DLGAP2: variants seen among roughly 807,000 people sequenced by gnomAD.
DLGAP2 encodes disks large-associated protein 2.
Under a neutral mutation model 100.3 loss-of-function variants are expected in DLGAP2, and 26 were observed. The observed-to-expected ratio is 0.26, with a 90% CI of 0.19 to 0.36. DLGAP2 has a LOEUF of 0.36. Ranked by LOEUF, DLGAP2 falls within the 10% of genes least tolerant of loss-of-function variation. The pLI is 1.00. For synonymous variants in DLGAP2, 886 were observed against 630.1 expected (o/e 1.41, Z -6.08); for missense variants, 1,858 against 1,453.2 (o/e 1.28, Z -4.53).
intron 2 of DLGAP2, among the ~76,000 whole-genome samples, chr8:1,101,700 C>G (rs568413326): frequency 6.8e-6 from 1 of 147,720 alleles, no homozygotes. Context: ...ATGGGAAGGT[C>G]CTCGTCACCC....
chr8:768,954 C>T (rs994906258), intron 1 of DLGAP2, among the ~76,000 whole-genome samples: 8 of 152,180 alleles, frequency 5.3e-5, no homozygotes, highest in South Asian at 2.1e-4. Flanking sequence ...CTTGGGCGTC[C>T]GCAGCCTGTG....
intron 3 of DLGAP2, among the ~76,000 whole-genome samples, chr8:1,368,395 G>A (rs866415749): frequency 8.7e-5 from 13 of 150,172 alleles, no homozygotes; most frequent in South Asian, 2.1e-4. Context: ...ATGTGTGTGG[G>A]TATGTGTGTG....
At chr8:784,728 A>C (rs898480250) in intron 1 of DLGAP2, among the ~76,000 whole-genome samples, 1 of 152,236 alleles carries the variant, frequency 6.6e-6, no homozygotes, top group African/African-American at 2.4e-5. Flanking sequence ...AATCCGGGAA[A>C]GACCACACGG....
chr8:1,581,192 A>G lies in DLGAP2; in HGVS notation c.1442+15298A>G, dbSNP rs1485315473. Among the ~76,000 whole-genome samples, 4 of 150,936 alleles carry G rather than the reference A, an allele frequency of 2.7e-5. No individual in the cohort carries two copies. The South Asian group carries it at 6.2e-4, about 23-fold the overall frequency. On this transcript the variant is annotated intron_variant, in intron 6 of 14. Coordinates refer to ENST00000637795, the MANE Select transcript of DLGAP2 (RefSeq NM_001346810.2). ...TACAGACAAAACCCCACACACATCT[A>G]CACAACACAGTCAAACTACCAGAAG...
At chr8:1,389,800 C>T (rs1310182772) in intron 3 of DLGAP2, among the ~76,000 whole-genome samples, 1 of 152,034 alleles carries the variant, frequency 6.6e-6, no homozygotes, top group African/African-American at 2.4e-5. Flanking sequence ...CCAGAGCGAG[C>T]CTTCCCTGCA....
Position 1,706,249 on chromosome 8 carries a change from C to T in DLGAP2, c.*4843C>T, listed in dbSNP as rs997768544. On this transcript the variant is annotated 3_prime_UTR_variant, in exon 15 of 15. Coordinates refer to ENST00000637795, the MANE Select transcript of DLGAP2 (RefSeq NM_001346810.2). The stretch of plus-strand genomic sequence containing the variant: ...TTCATCCTCAGCCGGCAACTCATCT[C>T]AAGTTTATGTCTCAGTTTTTTTCCT... 1 of 152,234 alleles carries T rather than the reference C, an allele frequency of 6.6e-6. No homozygotes were observed. Among genetic ancestry groups the T allele is most frequent in the African/African-American group, 2.4e-5 (1 of 41,466 alleles). 9.4% of individuals were successfully genotyped at this position (152,234 alleles called of 1,614,324 possible).
chr8:1,437,988 A>C (rs1198774479), intron 3 of DLGAP2, among the ~76,000 whole-genome samples: 1 of 152,102 alleles, frequency 6.6e-6, no homozygotes, highest in Non-Finnish European at 1.5e-5. Flanking sequence ...CTCCATCTCA[A>C]AAAAATAAAA....
chr8:1,297,544 C>T (rs1409793654), intron 3 of DLGAP2, among the ~76,000 whole-genome samples: 1 of 124,676 alleles, frequency 8.0e-6, no homozygotes, highest in Non-Finnish European at 1.7e-5. Context: ...GGAGGAGAAA[C>T]GTGGCAGGCA....
chr8:1,171,447 T>A (rs1315831254), intron 2 of DLGAP2, among the ~76,000 whole-genome samples: 1 of 152,026 alleles, frequency 6.6e-6, no homozygotes, highest in African/African-American at 2.4e-5. Context: ...TTGTTGACTT[T>A]CTGTCTCATT....
intron 3 of DLGAP2, among the ~76,000 whole-genome samples, chr8:1,294,576 C>T (rs1585230448): frequency 2.6e-5 from 4 of 152,228 alleles, no homozygotes; most frequent in Non-Finnish European, 4.4e-5. Context: ...TGTGTCGTGG[C>T]ATCACTGGGT....
chr8:1,263,293 A>G (rs1048766500), intron 3 of DLGAP2, among the ~76,000 whole-genome samples: 5 of 152,186 alleles, frequency 3.3e-5, no homozygotes, highest in African/African-American at 1.2e-4. Context: ...AAAAAAACTA[A>G]GTAGTTTAAG....
At chr8:1,509,900 A>T (rs1328844386) in intron 4 of DLGAP2, among the ~76,000 whole-genome samples, 1 of 152,192 alleles carries the variant, frequency 6.6e-6, no homozygotes, top group African/African-American at 2.4e-5. Context: ...TTAAAGGTGC[A>T]TTCAGGAGGT....
chr8:1,164,360 T>C (rs1211181346), intron 2 of DLGAP2, among the ~76,000 whole-genome samples: 2 of 151,876 alleles, frequency 1.3e-5, no homozygotes, highest in Non-Finnish European at 2.9e-5. Flanking sequence ...CCCGTCGTTT[T>C]GGTTTGTGGG....
intron 2 of DLGAP2, among the ~76,000 whole-genome samples, chr8:965,334 A>C (rs13279578): frequency 1.2e-4 from 11 of 92,746 alleles, no homozygotes; most frequent in East Asian, 9.9e-4. Context: ...TGCACACGGC[A>C]CTGTTCACCA....
At chr8:1,328,345 G>T (rs973473861) in intron 3 of DLGAP2, among the ~76,000 whole-genome samples, 1 of 151,778 alleles carries the variant, frequency 6.6e-6, no homozygotes. Context: ...TTGAGATGGA[G>T]TCTCACTGTG....
At chr8:1,701,030 G>C (rs1435725301) in intron 14 of DLGAP2, among the ~76,000 whole-genome samples, 158 bp from the exon 15 acceptor site, 1 of 152,278 alleles carries the variant, frequency 6.6e-6, no homozygotes, top group Admixed American at 6.5e-5. Flanking sequence ...TGTGGCCTGG[G>C]AGCCGGGGAC....
chr8:908,233 G>A lies in DLGAP2; in HGVS notation c.73+267G>A, dbSNP rs576171468. ...TGATTGTTGTCCTGGGTTTTTAAGG[G>A]AAACTGGTTGTCTTATAAACTTGAG... On this transcript the variant is annotated intron_variant, in intron 2 of 14. Coordinates refer to ENST00000637795, the MANE Select transcript of DLGAP2 (RefSeq NM_001346810.2). Among the ~76,000 whole-genome samples, 14 of 152,284 alleles carry A rather than the reference G, an allele frequency of 9.2e-5. No individual in the cohort carries two copies. The East Asian group carries it at 2.5e-3, about 27-fold the overall frequency.
intron 2 of DLGAP2, among the ~76,000 whole-genome samples, chr8:1,223,622 A>G (rs1206881424): frequency 6.6e-6 from 1 of 152,234 alleles, no homozygotes; most frequent in African/African-American, 2.4e-5. Flanking sequence ...TGCCTTAAAC[A>G]CTAGAGACAT....
intron 6 of DLGAP2, among the ~76,000 whole-genome samples, chr8:1,587,785 C>T (rs961023535): frequency 6.6e-6 from 1 of 152,060 alleles, no homozygotes; most frequent in African/African-American, 2.4e-5. Context: ...TCTTTTCAGG[C>T]CCTGCTTTTG....
Sources: gnomAD v4.1 joint callset for allele counts (sites outside exome capture counted in the v4.1 genomes callset) on GRCh38, gnomAD v4.1.1 for gene constraint, MANE v1.5 for transcripts, NCBI Gene and HGNC (gene_info 2026-07-23, HGNC 2026-07-21) for gene names.